Variants in YY1AP1 observed in about 807,000 individuals in gnomAD.
The protein encoded by YY1AP1 is YY1 associated protein 1.
A neutral mutation model predicts 39.9 loss-of-function variants in YY1AP1; 43 were observed. That is an observed-to-expected ratio of 1.08 (90% CI 0.84 to 1.39). YY1AP1 has a LOEUF of 1.39. Ranked by LOEUF, YY1AP1 falls within the 40% of genes most tolerant of loss-of-function variation. The pLI is 0.00. For synonymous variants in YY1AP1, 292 were observed against 331.3 expected, an observed-to-expected ratio of 0.88 and a Z score of 1.29; for missense variants, 813 against 900.7, an observed-to-expected ratio of 0.90 and a Z score of 1.25.
intron 3 of YY1AP1, 74 bp downstream of exon 3, chr1:155,680,342 C>G: frequency 1.3e-6 from 2 of 1,546,752 alleles, no homozygotes; most frequent in Non-Finnish European, 8.9e-7. Context: ...AGGAGCATCA[C>G]AGAGATCAAA....
intron 9 of YY1AP1, among the ~76,000 whole-genome samples, chr1:155,662,129 T>C (rs1648259728): frequency 1.3e-5 from 2 of 151,762 alleles, no homozygotes; most frequent in South Asian, 2.1e-4. Flanking sequence ...TCAAAGACTT[T>C]AAGCAAATGA....
Position 155,662,502 on chromosome 1 carries a change from T to G in YY1AP1, c.880-1079A>C, listed in dbSNP as rs111805154. Among the ~76,000 whole-genome samples the G allele has an allele frequency of 8.0e-5, 11 of 136,758 alleles. 1 individual carries two copies. The highest frequency in any genetic ancestry group is 3.1e-4 in the African/African-American group (10 of 32,304). 89.7% of individuals were successfully genotyped at this position (136,758 alleles called of 152,430 possible). ...GTTGGTAACAGGGTGAGACTCCATC[T>G]CAAAAAAAAAAAAAGAAGATAAGAA... On this transcript the variant is annotated intron_variant, in intron 9 of 10. Transcript: ENST00000355499.
Position 155,672,660 on chromosome 1 carries a change from C to T in YY1AP1, c.483G>A (p.Leu161=), listed in dbSNP as rs777373687. The T allele has an allele frequency of 2.5e-6, 4 of 1,614,132 alleles. No homozygotes were observed. In the South Asian group the frequency reaches 3.3e-5, roughly 13 times the overall value. ...HHQYNPKFQT[L]FQPCNLMGAM... is the part of the protein sequence containing the mutation. ...CTCCCATCAAGTTACAGGGTTGGAACAGGGTCTGAAACTTGGGGTTGTACT... is the reference window on the plus strand; with the variant it reads ...CTCCCATCAAGTTACAGGGTTGGAATAGGGTCTGAAACTTGGGGTTGTACT... Residue 161 remains leucine, a synonymous_variant, in exon 7 of 11, where the codon CTG becomes CTA. Coordinates refer to ENST00000355499, the MANE Select transcript of YY1AP1 (RefSeq NM_139119.3).
intron 9 of YY1AP1, among the ~76,000 whole-genome samples, chr1:155,664,375 T>C (rs1336263799): frequency 6.6e-6 from 1 of 152,198 alleles, no homozygotes; most frequent in Admixed American, 6.5e-5. Context: ...ATAATGTTTT[T>C]ATGTTACATA....
intron 9 of YY1AP1, among the ~76,000 whole-genome samples, chr1:155,667,833 T>C (rs1382497110): frequency 6.6e-6 from 1 of 151,136 alleles, no homozygotes. Flanking sequence ...AATCAATCAA[T>C]CAATAAGTAA....
intron 9 of YY1AP1, 51 bp downstream of exon 9, chr1:155,668,576 A>G: frequency 6.2e-7 from 1 of 1,613,778 alleles, no homozygotes; most frequent in Non-Finnish European, 8.5e-7. Flanking sequence ...AGAGAAAAGA[A>G]CAGATATGTG....
intron 9 of YY1AP1, among the ~76,000 whole-genome samples, chr1:155,667,260 A>T (rs796143932): frequency 9.2e-5 from 14 of 152,306 alleles, no homozygotes; most frequent in African/African-American, 3.4e-4. Context: ...ACACTCTGGG[A>T]GGCCGAGCTG....
At position 155,659,792 on chromosome 1, in the gene YY1AP1, C is replaced by T; in HGVS notation, c.2118G>A (p.Glu706=). The T allele has an allele frequency of 6.2e-7, 1 of 1,614,218 alleles. No homozygotes were observed. Among genetic ancestry groups the T allele is most frequent in the South Asian group, 1.1e-5 (1 of 91,080 alleles). Residue 706 remains glutamate, a synonymous_variant, in exon 11 of 11, where the codon GAG becomes GAA. Transcript: ENST00000355499. ...GCGGCTCCAGAGCTTGCCTTCCCTCCTCTGTTTTCACAACGGTCCAGCGAT... is the reference window on the plus strand; with the variant it reads ...GCGGCTCCAGAGCTTGCCTTCCCTCTTCTGTTTTCACAACGGTCCAGCGAT... ...SAYRWTVVKT[E]EGRQALEPLP...
At chr1:155,666,435 T>G (rs1649023464) in intron 9 of YY1AP1, among the ~76,000 whole-genome samples, 1 of 152,140 alleles carries the variant, frequency 6.6e-6, no homozygotes, top group African/African-American at 2.4e-5. Context: ...GTCCTTAAAA[T>G]CTTACAATGT....
At chr1:155,680,379 T>TA in intron 3 of YY1AP1, 37 bp downstream of exon 3, 2 of 1,611,696 alleles carry the variant, frequency 1.2e-6, no homozygotes, top group Non-Finnish European at 1.7e-6. Flanking sequence ...AGAACCAACT[T>TA]ACAATCCCAT....
rs651927 is a variant in YY1AP1, at chr1:155,672,204, G to A, written c.583+356C>T. On this transcript the variant is annotated intron_variant, in intron 7 of 10. Coordinates refer to ENST00000355499, the MANE Select transcript of YY1AP1 (RefSeq NM_139119.3). ...AGAGAATAAAAAGCTAAACATGACCGAACTTTACCACCTGACTTTCATCTT... is the reference window on the plus strand; with the variant it reads ...AGAGAATAAAAAGCTAAACATGACCAAACTTTACCACCTGACTTTCATCTT... 1.1e-4 allele frequency: 39 copies of A among 341,564 alleles called. 1 individual carries two copies. Among genetic ancestry groups the A allele is most frequent in the South Asian group, 6.9e-4 (24 of 34,984 alleles). The allele number at this position is 341,564 out of a possible 1,614,324, so 21.2% of individuals were successfully genotyped here. A position where few individuals can be genotyped will look rare whatever the true frequency, so the allele number is the denominator to read the frequency against.
At chr1:155,671,332 G>A (rs1199581306) in intron 7 of YY1AP1, among the ~76,000 whole-genome samples, 3 of 151,804 alleles carry the variant, frequency 2.0e-5, no homozygotes, top group African/African-American at 7.3e-5. Context: ...TTGGGAGGCT[G>A]AGGCAGGAGA....
At chr1:155,669,122 T>G (rs1649483057) in intron 8 of YY1AP1, among the ~76,000 whole-genome samples, 1 of 152,234 alleles carries the variant, frequency 6.6e-6, no homozygotes, top group African/African-American at 2.4e-5. Context: ...CAGTCTTGAA[T>G]GCCTGGGTTC....
rs1650050798 is a variant in YY1AP1 at position 155,672,722 on chromosome 1, C to T, written c.421G>A (p.Gly141Arg). ...SSTRICLKEL[G>R]TFAQSSIALH... ...GCGATGGAGCTTTGAGCAAAGGTTC[C>T]CAGCTCTTTCTGGGAAAACACGACA... The change falls in exon 7 of 11, where the codon GGA becomes AGA. Residue 141 changes from glycine (G) to arginine (R), a missense_variant. Coordinates refer to ENST00000355499, the MANE Select transcript of YY1AP1 (RefSeq NM_139119.3). The T allele has an allele frequency of 5.6e-6, 9 of 1,614,104 alleles. No individual in the cohort carries two copies. Among genetic ancestry groups the T allele is most frequent in the Non-Finnish European group, 7.6e-6 (9 of 1,180,012 alleles).
At position 155,670,421 on chromosome 1, in the gene YY1AP1, C is replaced by G. The variant is rs1363049006; in HGVS notation, c.627G>C (p.Leu209=). 6.2e-7 allele frequency: 1 copy of G among 1,614,120 alleles called. No homozygotes were observed. The highest frequency in any genetic ancestry group is 1.7e-5 in the Admixed American group (1 of 60,012). The part of the protein sequence containing the change: ...PCLPKQVAWI[L]ATSKVFMYPE... Reference sequence around the variant, plus strand: ...GATACATGAAAACCTTGCTTGTGGCCAGGATCCAAGCCACTTGCTTTGGCA... The same window carrying G: ...GATACATGAAAACCTTGCTTGTGGCGAGGATCCAAGCCACTTGCTTTGGCA... The change falls in exon 8 of 11, where the codon CTG becomes CTC. Residue 209 remains leucine, a synonymous_variant. Coordinates refer to ENST00000355499, the MANE Select transcript of YY1AP1 (RefSeq NM_139119.3).
chr1:155,662,645 G>T (rs1648340212), intron 9 of YY1AP1, among the ~76,000 whole-genome samples: 1 of 152,198 alleles, frequency 6.6e-6, no homozygotes, highest in South Asian at 2.1e-4. Flanking sequence ...AGCAATTCCT[G>T]CTCTCATGGA....
At chr1:155,688,275 C>CA in intron 1 of YY1AP1, 74 bp from the exon 2 acceptor site, 3 of 1,592,266 alleles carry the variant, frequency 1.9e-6, no homozygotes, top group Non-Finnish European at 2.6e-6. Flanking sequence ...GCGGATCCCG[C>CA]AACCGACACT....
intron 2 of YY1AP1, among the ~76,000 whole-genome samples, chr1:155,680,673 C>A (rs1651384066): frequency 6.6e-6 from 1 of 152,088 alleles, no homozygotes; most frequent in Non-Finnish European, 1.5e-5. Flanking sequence ...CTCAAGCGAT[C>A]CTCCCACTTC....
chr1:155,659,539 A>C lies in YY1AP1; in HGVS notation c.*118T>G. The C allele has an allele frequency of 9.5e-7, 1 of 1,052,960 alleles. No homozygotes were observed. Among genetic ancestry groups the C allele is most frequent in the Non-Finnish European group, 1.4e-6 (1 of 717,432 alleles). The allele number at this position is 1,052,960 out of a possible 1,614,324, so 65.2% of individuals were successfully genotyped here. On this transcript the variant is annotated 3_prime_UTR_variant, in exon 11 of 11. Transcript: ENST00000355499. The stretch of plus-strand genomic sequence containing the variant: ...CTAAAGCAAGCTGCTCAAGAGCCCC[A>C]GTTGCAAAATCTGGGGTTTAAGTAC...
Sources: allele counts gnomAD v4.1 joint callset (sites outside exome capture counted in the v4.1 genomes callset), GRCh38; gene constraint gnomAD v4.1.1; transcripts MANE v1.5; gene names NCBI Gene and HGNC (gene_info 2026-07-23, HGNC 2026-07-21).